The following KCNG4 variants were observed in gnomAD, a reference collection of about 807,000 sequenced individuals.
The protein encoded by KCNG4 is potassium voltage-gated channel modifier subfamily G member 4, also known as voltage-gated potassium channel regulatory subunit KCNG4.
Under a neutral mutation model 28.2 loss-of-function variants are expected in KCNG4, and 30 were observed. The ratio of observed to expected loss-of-function variants is 1.06; its 90% CI spans 0.80 to 1.44. KCNG4 has a LOEUF of 1.44. Ranked by LOEUF, KCNG4 falls within the 40% of genes most tolerant of loss-of-function variation. The pLI is 0.00. For synonymous variants in KCNG4, 375 were observed against 315.5 expected, an observed-to-expected ratio of 1.19 and a Z score of -2.00; for missense variants, 879 against 712.3, an observed-to-expected ratio of 1.23 and a Z score of -2.66.
chr16:84,221,711 T>C lies in KCNG4; in HGVS notation c.*506A>G, dbSNP rs1428966256. 6.4e-6 allele frequency: 1 copy of C among 157,120 alleles called. No homozygotes were observed. Among genetic ancestry groups the C allele is most frequent in the East Asian group, 1.9e-4 (1 of 5,234 alleles). 9.7% of individuals were successfully genotyped at this position (157,120 alleles called of 1,614,324 possible). A position where few individuals can be genotyped will look rare whatever the true frequency, so the allele number is the denominator to read the frequency against. On this transcript the variant is annotated 3_prime_UTR_variant, in exon 3 of 3. Transcript: ENST00000308251. ...TGGTGGTGAGCAGAAGGAGAACATA[T>C]TGATCCCTCTGGAACCCGTGGAAAG...
chr16:84,231,411 G>A (rs1403426715), intron 2 of KCNG4, among the ~76,000 whole-genome samples: 1 of 152,106 alleles, frequency 6.6e-6, no homozygotes, highest in African/African-American at 2.4e-5. Flanking sequence ...ACTGCAGGTG[G>A]CCAGTGGTGT....
intron 2 of KCNG4, among the ~76,000 whole-genome samples, chr16:84,234,496 T>A (rs895101511): frequency 6.6e-6 from 1 of 152,136 alleles, no homozygotes; most frequent in Non-Finnish European, 1.5e-5. Context: ...TAATTTGCAA[T>A]CTCTGGCACA....
chr16:84,229,508 G>T (rs1221967588), intron 2 of KCNG4, among the ~76,000 whole-genome samples: 1 of 152,238 alleles, frequency 6.6e-6, no homozygotes, highest in Non-Finnish European at 1.5e-5. Context: ...ATCTCACAGC[G>T]GTTCTCCCCG....
intron 2 of KCNG4, among the ~76,000 whole-genome samples, chr16:84,231,077 G>A (rs78479794): frequency 0.076 from 11,588 of 152,296 alleles, 475 homozygotes; most frequent in Middle Eastern, 0.11. Context: ...GAGCAGAGCA[G>A]CAGAGCAGGT....
chr16:84,222,082 C>T lies in KCNG4; in HGVS notation c.*135G>A. 1.0e-6 allele frequency: 1 copy of T among 972,362 alleles called. No individual in the cohort carries two copies. The highest frequency in any genetic ancestry group is 1.5e-5 in the South Asian group (1 of 65,396). The allele number at this position is 972,362 out of a possible 1,614,324, so 60.2% of individuals were successfully genotyped here. On this transcript the variant is annotated 3_prime_UTR_variant, in exon 3 of 3. Coordinates refer to ENST00000308251, the MANE Select transcript of KCNG4 (RefSeq NM_172347.3). ...ATCACAGACACACAGCCTCTGTGGC[C>T]TTATGCCCCTCCAGCTTTGAAAGTC...
rs760604440 is a variant in KCNG4, at chr16:84,237,147, G to A, written c.339C>T (p.Phe113=). The change falls in exon 2 of 3, where the codon TTC becomes TTT. Residue 113 remains phenylalanine, a synonymous_variant. Transcript: ENST00000308251. Reference sequence around the variant, plus strand: ...CCCCGAAGGCGCTGGGGCTCCTGTCGAAGAAGAACTCCTGGCTGTCCTCGT... The same window carrying A: ...CCCCGAAGGCGCTGGGGCTCCTGTCAAAGAAGAACTCCTGGCTGTCCTCGT... The part of the protein sequence containing the change: ...DYDEDSQEFF[F]DRSPSAFGVI... 3.1e-6 allele frequency: 5 copies of A among 1,614,098 alleles called. No homozygotes were observed. Among genetic ancestry groups the A allele is most frequent in the African/African-American group, 1.3e-5 (1 of 75,024 alleles).
intron 2 of KCNG4, among the ~76,000 whole-genome samples, chr16:84,228,172 T>C (rs565210722): frequency 6.6e-6 from 1 of 152,320 alleles, no homozygotes; most frequent in Non-Finnish European, 1.5e-5. Context: ...GCAGATGCAA[T>C]GCAGGCCAGT....
intron 2 of KCNG4, among the ~76,000 whole-genome samples, chr16:84,234,092 C>A (rs1904886266): frequency 6.6e-6 from 1 of 152,166 alleles, no homozygotes; most frequent in Non-Finnish European, 1.5e-5. Flanking sequence ...CCTGGGAAAT[C>A]CGGAACTTTA....
intron 2 of KCNG4, among the ~76,000 whole-genome samples, chr16:84,232,201 G>A (rs1904843295): frequency 6.6e-6 from 1 of 152,084 alleles, no homozygotes; most frequent in Non-Finnish European, 1.5e-5. Flanking sequence ...AGTGCTAGAT[G>A]GATAAACCAA....
rs375006588 is a variant in KCNG4 at position 84,236,901 on chromosome 16, C to A, written c.585G>T (p.Ser195=). 42 of 1,613,308 alleles carry A rather than the reference C, an allele frequency of 2.6e-5. No homozygotes were observed. Among genetic ancestry groups the A allele is most frequent in the Non-Finnish European group, 3.4e-5 (40 of 1,179,982 alleles). The part of the protein sequence containing the change: ...RQQRETRRPA[S]HSSRWGLCMN... ...TGCACAGGCCCCAGCGCGAGGAGTG[C>A]GAGGCGGGGCGGCGGGTCTCCCTCT... Residue 195 remains serine, a synonymous_variant, in exon 2 of 3, where the codon TCG becomes TCT. Transcript: ENST00000308251.
chr16:84,224,409 C>CACACACACACACACAT (rs1555536151), intron 2 of KCNG4, among the ~76,000 whole-genome samples: 60 of 108,798 alleles, frequency 5.5e-4, no homozygotes, highest in African/African-American at 1.7e-3. Context: ...TATTTACACA[C>CACACACACACACACAT]ACACACACAC....
intron 2 of KCNG4, among the ~76,000 whole-genome samples, chr16:84,230,271 G>T (rs244803): frequency 0.084 from 12,853 of 152,170 alleles, 588 homozygotes; most frequent in Middle Eastern, 0.11. Context: ...TGGGCATGGT[G>T]GTGGGCGCCT....
chr16:84,227,422 CAAAA>C (rs1252260581), intron 2 of KCNG4, among the ~76,000 whole-genome samples: 1 of 152,030 alleles, frequency 6.6e-6, no homozygotes, highest in East Asian at 1.9e-4. Flanking sequence ...ACTAAAAATA[CAAAA>C]ATTAGCCAGG....
rs868204347 is a variant in KCNG4, at chr16:84,222,582, C to G, written c.1195G>C (p.Val399Leu). 6.2e-7 allele frequency: 1 copy of G among 1,613,272 alleles called. No homozygotes were observed. The change falls in exon 3 of 3, where the codon GTG becomes CTG. Residue 399 changes from valine (V) to leucine (L), a missense_variant. Physicochemically the swap from Val to Leu is conservative, Grantham distance 32. Coordinates refer to ENST00000308251, the MANE Select transcript of KCNG4 (RefSeq NM_172347.3). ...VYVAEKESGRVLEFTSIPASY... is the reference protein window; with the variant it reads ...VYVAEKESGRLLEFTSIPASY... ...GCGGGGATGCTGGTGAACTCCAGCA[C>G]CCGCCCGGACTCCTTCTCGGCCACG... is the stretch of plus-strand genomic sequence containing the variant.
In KCNG4 at chr16:84,238,416, G is replaced by A. The variant is rs555164882; in HGVS notation, c.-40-891C>T. Among the ~76,000 whole-genome samples the A allele has an allele frequency of 8.2e-4, 125 of 152,320 alleles. 3 individuals are homozygous for A. Among genetic ancestry groups the A allele is most frequent in the Non-Finnish European group, 7.2e-4 (49 of 68,020 alleles). On this transcript the variant is annotated intron_variant, in intron 1 of 2. Coordinates refer to ENST00000308251, the MANE Select transcript of KCNG4 (RefSeq NM_172347.3). ...CAGTCTCGCTTAATCCCTCTTGGTCGCTTCCCCATTTGGGGAGGCCTTTGC... is the reference window on the plus strand; with the variant it reads ...CAGTCTCGCTTAATCCCTCTTGGTCACTTCCCCATTTGGGGAGGCCTTTGC...
In KCNG4 at chr16:84,237,116, C is replaced by T. The variant is rs771376159; in HGVS notation, c.370G>A (p.Val124Met). Residue 124 changes from valine to methionine, a missense_variant, in exon 2 of 3, where the codon GTG becomes ATG. Physicochemically the swap from Val to Met is conservative, Grantham distance 21. Coordinates refer to ENST00000308251, the MANE Select transcript of KCNG4 (RefSeq NM_172347.3). ...AGCTTCCCGGCCGCCAGGAAGCTCA[C>T]GATCACCCCGAAGGCGCTGGGGCTC... is the stretch of plus-strand genomic sequence containing the variant. ...DRSPSAFGVI[V>M]SFLAAGKLVL... The T allele has an allele frequency of 6.2e-6, 10 of 1,614,030 alleles. No individual in the cohort carries two copies. Among genetic ancestry groups the T allele is most frequent in the Non-Finnish European group, 3.4e-6 (4 of 1,180,048 alleles).
At chr16:84,233,946 G>A (rs140966914) in intron 2 of KCNG4, among the ~76,000 whole-genome samples, 28 of 152,228 alleles carry the variant, frequency 1.8e-4, no homozygotes, top group Admixed American at 4.6e-4. Context: ...TTCCTCATCT[G>A]TAAAATGGGG....
rs1230735765 is a variant in KCNG4 at position 84,222,528 on chromosome 16, T to C, written c.1249A>G (p.Thr417Ala). Residue 417 changes from threonine to alanine, a missense_variant, in exon 3 of 3, where the codon ACA becomes GCA. By Grantham distance (58) the Thr-to-Ala change is moderately conservative. Transcript: ENST00000308251. ...ACCATGTCCCCGTAGCCCACCGTTG[T>C]CATGGAGATGATGGCCCACCAATAG... ...ASYWWAIISM[T>A]TVGYGDMVPR... 6.2e-7 allele frequency: 1 copy of C among 1,613,550 alleles called. No individual in the cohort carries two copies. Among genetic ancestry groups the C allele is most frequent in the Non-Finnish European group, 8.5e-7 (1 of 1,179,876 alleles).
rs563918149 is a variant in KCNG4, at chr16:84,226,447, G to A, written c.757-3427C>T. ...GGGAGAGGCTGACACGGGTGCATCC[G>A]TTTATTAAATTCTACACCTAGGATT... On this transcript the variant is annotated intron_variant, in intron 2 of 2. Coordinates refer to ENST00000308251, the MANE Select transcript of KCNG4 (RefSeq NM_172347.3). The surrounding 1 kb of genome is among the most constrained non-coding windows in gnomAD (Gnocchi z 4.1). Among the ~76,000 whole-genome samples, 29 of 152,134 alleles carry A rather than the reference G, an allele frequency of 1.9e-4. No homozygotes were observed. Among genetic ancestry groups the A allele is most frequent in the Admixed American group, 1.3e-4 (2 of 15,278 alleles).
Sources: allele counts gnomAD v4.1 joint callset (sites outside exome capture counted in the v4.1 genomes callset), GRCh38; gene constraint gnomAD v4.1.1; non-coding constraint Gnocchi (gnomAD v3.1); transcripts MANE v1.5; gene names NCBI Gene and HGNC (gene_info 2026-07-23, HGNC 2026-07-21).